The following GFRA4 variants were observed in gnomAD, a reference collection of about 807,000 sequenced individuals.
GFRA4 encodes the protein GDNF family receptor alpha-4.
In GFRA4, 31 loss-of-function variants were observed where a neutral mutation model predicts 28.5. The observed-to-expected ratio is 1.09, with a 90% CI of 0.82 to 1.47. The LOEUF (loss-of-function observed/expected upper bound fraction) is 1.47. Ranked by LOEUF, GFRA4 falls within the 40% of genes most tolerant of loss-of-function variation. The pLI is 0.00. For synonymous variants in GFRA4, 188 were observed against 188.0 expected, an observed-to-expected ratio of 1.00 and a Z score of 0.00; for missense variants, 389 against 413.2, an observed-to-expected ratio of 0.94 and a Z score of 0.51.
In GFRA4 at chr20:3,660,605, C is replaced by T. The variant is rs1441400697; in HGVS notation, c.558G>A (p.Trp186Ter). 6.4e-7 allele frequency: 1 copy of T among 1,551,012 alleles called. No homozygotes were observed. ...GGTTCCCGCTGGCTCCGCAGTCGCA[C>T]CAGGGCGCCACGCGCGCGCTCACGT... ...VDNVSARVAP[W>*]CDCGASGNRR... The change falls in exon 4 of 6, where the codon TGG becomes TGA. Residue 186 changes from tryptophan (W) to a stop codon, truncating the protein, a stop_gained. Transcript: ENST00000290417. LOFTEE classifies it high-confidence loss of function.
chr20:3,662,510 C>T (rs919746028), intron 1 of GFRA4, among the ~76,000 whole-genome samples: 1 of 152,132 alleles, frequency 6.6e-6, no homozygotes, highest in South Asian at 2.1e-4. Flanking sequence ...GAGCAGGGTG[C>T]CTCTCTGGCA....
At chr20:3,663,168 G>T (rs2087240653) in intron 1 of GFRA4, among the ~76,000 whole-genome samples, 186 bp downstream of exon 1, 1 of 152,150 alleles carries the variant, frequency 6.6e-6, no homozygotes, top group South Asian at 2.1e-4. Flanking sequence ...GGGCTGGGAG[G>T]TGAGGTGCTC....
At chr20:3,661,351 C>T in intron 1 of GFRA4, 62 bp from the exon 2 acceptor site, 1 of 1,355,058 alleles carries the variant, frequency 7.4e-7, no homozygotes, top group Non-Finnish European at 9.5e-7. Flanking sequence ...TTCACCCAGC[C>T]CATCCACGCC....
chr20:3,660,902 C>G (rs751214811), intron 2 of GFRA4, 38 bp from the exon 3 acceptor site: 1 of 1,383,782 alleles, frequency 7.2e-7, no homozygotes, highest in Middle Eastern at 2.5e-4. Context: ...AGAGAGGCCC[C>G]GTCCCCACCC....
In GFRA4 at chr20:3,663,225, A is replaced by G. The variant is rs137952077; in HGVS notation, c.46+129T>C. 255 of 1,111,628 alleles carry G rather than the reference A, an allele frequency of 2.3e-4. 2 individuals carry two copies. In the East Asian group the frequency reaches 6.5e-3, roughly 28 times the overall value. 68.9% of individuals were successfully genotyped at this position (1,111,628 alleles called of 1,614,324 possible). On this transcript the variant is annotated intron_variant, in intron 1 of 5. Transcript: ENST00000290417. Reference sequence around the variant, plus strand: ...CCAGGGGTCCCCAAGCCGTGCGCACAGGCCTCTCACTGGCAACCCTTCCTG... The same window carrying G: ...CCAGGGGTCCCCAAGCCGTGCGCACGGGCCTCTCACTGGCAACCCTTCCTG...
In GFRA4 at chr20:3,661,127, C is replaced by T. The variant is rs920750506; in HGVS notation, c.209G>A (p.Arg70His). ...PRARCRRALR[R>H]FFARGPPALT... ...CGCGGGCGGCCCGCGGGCGAAGAAG[C>T]GGCGCAGGGCCCGGCGGCAGCGGGC... Residue 70 changes from arginine (R) to histidine (H), a missense_variant, in exon 2 of 6, where the codon CGC becomes CAC. Physicochemically the swap from Arg to His is conservative, Grantham distance 29. Transcript: ENST00000290417. 5.0e-5 allele frequency: 65 copies of T among 1,305,464 alleles called. No individual in the cohort carries two copies. In the African/African-American group the frequency reaches 8.4e-4, roughly 17 times the overall value. 80.9% of individuals were successfully genotyped at this position (1,305,464 alleles called of 1,614,324 possible). A position where few individuals can be genotyped will look rare whatever the true frequency, so the allele number is the denominator to read the frequency against.
intron 4 of GFRA4, 64 bp from the exon 5 acceptor site, chr20:3,660,313 G>C: frequency 2.9e-6 from 4 of 1,363,066 alleles, no homozygotes; most frequent in Non-Finnish European, 3.0e-6. Context: ...TCAGCACAGG[G>C]GACAAAGTGA....
At chr20:3,661,346 C>T in intron 1 of GFRA4, 57 bp from the exon 2 acceptor site, 2 of 1,361,988 alleles carry the variant, frequency 1.5e-6, no homozygotes, top group South Asian at 1.7e-5. Context: ...CACACTTCAC[C>T]CAGCCCATCC....
At chr20:3,660,888 C>T (rs1231630488) in intron 2 of GFRA4, 24 bp from the exon 3 acceptor site, 1 of 1,402,474 alleles carries the variant, frequency 7.1e-7, no homozygotes, top group Non-Finnish European at 9.2e-7. Flanking sequence ...GGGCGGTGAG[C>T]CGGAGAGAGG....
At position 3,661,075 on chromosome 20, in the gene GFRA4, C is replaced by G. The variant is rs77187490; in HGVS notation, c.261G>C (p.Pro87=). 20 of 1,439,582 alleles carry G rather than the reference C, an allele frequency of 1.4e-5. No homozygotes were observed. The African/African-American group carries it at 3.0e-4, about 22-fold the overall frequency. The allele number at this position is 1,439,582 out of a possible 1,614,324, so 89.2% of individuals were successfully genotyped here. ...PALTHALLFC[P]CAGPACAERR... is the part of the protein sequence containing the mutation. ...GCTCGGCGCACGCGGGGCCCGCGCA[C>G]GGGCAGAAGAGCAGTGCGTGGGTGA... Residue 87 remains proline (P), a synonymous_variant, in exon 2 of 6, where the codon CCG becomes CCC. Coordinates refer to ENST00000290417, the MANE Select transcript of GFRA4 (RefSeq NM_022139.4).
Position 3,660,771 on chromosome 20 carries a change from G to A in GFRA4, c.486C>T (p.Ala162=). Reference sequence around the variant, plus strand: ...CGCGCGTACCCACGAGGCCCGCGTAGGCGCGCAGGCAGCGGGCGCCCTGGT... The same window carrying A: ...CGCGCGTACCCACGAGGCCCGCGTAAGCGCGCAGGCAGCGGGCGCCCTGGT... ...LLDQGARCLR[A]YAGLVGTAVT... The change falls in exon 3 of 6, where the codon GCC becomes GCT. Residue 162 remains alanine, a synonymous_variant. Transcript: ENST00000290417. The A allele has an allele frequency of 7.1e-7, 1 of 1,415,248 alleles. No homozygotes were observed. The highest frequency in any genetic ancestry group is 1.5e-5 in the African/African-American group (1 of 66,240). 87.7% of individuals were successfully genotyped at this position (1,415,248 alleles called of 1,614,324 possible).
In GFRA4 at chr20:3,660,953, C is replaced by T; in HGVS notation, c.383G>A (p.Arg128Gln). The change falls in exon 2 of 6, where the codon CGG becomes CAG. Residue 128 changes from arginine to glutamine, a missense_variant. Transcript: ENST00000290417. ...CGCCGCCCGCGCGCACCTGCAGACC[C>T]GGCTGCGCTCGCAGAAGTTTAAGGG... ...LEPLNFCERS[R>Q]VCRPRLLAFQ... is the part of the protein sequence containing the mutation. 7.3e-7 allele frequency: 1 copy of T among 1,374,438 alleles called. No homozygotes were observed. Among genetic ancestry groups the T allele is most frequent in the Non-Finnish European group, 9.4e-7 (1 of 1,069,208 alleles). 85.1% of individuals were successfully genotyped at this position (1,374,438 alleles called of 1,614,324 possible).
rs73893069 is a variant in GFRA4, at chr20:3,660,126, G to A, written c.729+32C>T. The A allele has an allele frequency of 1.3e-3, 2,070 of 1,546,648 alleles. 22 individuals carry two copies. In the African/African-American group the frequency reaches 0.022, roughly 16 times the overall value. Reference sequence around the variant, plus strand: ...GGGTGTGAAGGTGACAGTGGGGGAGGTGCCAGCTCACCCTCCCCTCCCTGC... The same window carrying A: ...GGGTGTGAAGGTGACAGTGGGGGAGATGCCAGCTCACCCTCCCCTCCCTGC... On this transcript the variant is annotated intron_variant, in intron 5 of 5. Transcript: ENST00000290417.
At position 3,660,733 on chromosome 20, in the gene GFRA4, C is replaced by T. The variant is rs541693894; in HGVS notation, c.502+22G>A. The T allele has an allele frequency of 2.1e-4, 302 of 1,442,796 alleles. No homozygotes were observed. In the African/African-American group the frequency reaches 4.1e-3, roughly 20 times the overall value. 89.4% of individuals were successfully genotyped at this position (1,442,796 alleles called of 1,614,324 possible). ...ATCCCCTGGAGAACCCCCGCCCTCG[C>T]CCGGATCCCGGCCGCGCGTACCCAC... On this transcript the variant is annotated intron_variant, in intron 3 of 5. Coordinates refer to ENST00000290417, the MANE Select transcript of GFRA4 (RefSeq NM_022139.4).
chr20:3,659,734 TG>T lies in GFRA4; in HGVS notation c.*174del. ...CAGTCAGGCCCCAGCCTACATCCCT[TG>T]CCCCAGGGGACGGCACACAGGGTGT... On this transcript the variant is annotated 3_prime_UTR_variant, in exon 6 of 6. Coordinates refer to ENST00000290417, the MANE Select transcript of GFRA4 (RefSeq NM_022139.4). The T allele has an allele frequency of 1.6e-6, 1 of 623,950 alleles. No individual in the cohort carries two copies. The highest frequency in any genetic ancestry group is 2.8e-6 in the Non-Finnish European group (1 of 358,174). The allele number at this position is 623,950 out of a possible 1,614,324, so 38.7% of individuals were successfully genotyped here. A position where few individuals can be genotyped will look rare whatever the true frequency, so the allele number is the denominator to read the frequency against.
Position 3,661,084 on chromosome 20 carries a change from G to C in GFRA4, c.252C>G (p.Leu84=). The change falls in exon 2 of 6, where the codon CTC becomes CTG. Residue 84 remains leucine, a synonymous_variant. Transcript: ENST00000290417. ...RGPPALTHAL[L]FCPCAGPACA... ...ACGCGGGGCCCGCGCACGGGCAGAA[G>C]AGCAGTGCGTGGGTGAGCGCGGGCG... 7.0e-7 allele frequency: 1 copy of C among 1,428,836 alleles called. No homozygotes were observed. The highest frequency in any genetic ancestry group is 9.1e-7 in the Non-Finnish European group (1 of 1,099,072). The allele number at this position is 1,428,836 out of a possible 1,614,324, so 88.5% of individuals were successfully genotyped here.
At position 3,661,321 on chromosome 20, in the gene GFRA4, A is replaced by C. The variant is rs115112380; in HGVS notation, c.47-32T>G. 676 of 1,418,992 alleles carry C rather than the reference A, an allele frequency of 4.8e-4. No individual in the cohort carries two copies. The African/African-American group carries it at 9.3e-3, about 20-fold the overall frequency. 87.9% of individuals were successfully genotyped at this position (1,418,992 alleles called of 1,614,324 possible). ...AAGGCGCGGGGAGGCTGCAGGTCTCAGTGCGCCCCGCATGCACACTTCACC... is the reference window on the plus strand; with the variant it reads ...AAGGCGCGGGGAGGCTGCAGGTCTCCGTGCGCCCCGCATGCACACTTCACC... On this transcript the variant is annotated intron_variant, in intron 1 of 5. Coordinates refer to ENST00000290417, the MANE Select transcript of GFRA4 (RefSeq NM_022139.4).
Position 3,663,349 on chromosome 20 carries a change from C to T in GFRA4, c.46+5G>A. Reference sequence around the variant, plus strand: ...CGGGGTCCAGGGGAAGAGAGGGGCGCTCACCCAGTAACAGCAGCAGCAGCA... The same window carrying T: ...CGGGGTCCAGGGGAAGAGAGGGGCGTTCACCCAGTAACAGCAGCAGCAGCA... On this transcript the variant is annotated splice_donor_5th_base_variant and intron_variant, in intron 1 of 5. Coordinates refer to ENST00000290417, the MANE Select transcript of GFRA4 (RefSeq NM_022139.4). 2 of 1,610,174 alleles carry T rather than the reference C, an allele frequency of 1.2e-6. No individual in the cohort carries two copies. The highest frequency in any genetic ancestry group is 1.7e-6 in the Non-Finnish European group (2 of 1,178,888).
chr20:3,659,700 G>C lies in GFRA4; in HGVS notation c.*209C>G. 1 of 585,436 alleles carries C rather than the reference G, an allele frequency of 1.7e-6. No homozygotes were observed. Among genetic ancestry groups the C allele is most frequent in the Non-Finnish European group, 3.0e-6 (1 of 330,208 alleles). The allele number at this position is 585,436 out of a possible 1,614,324, so 36.3% of individuals were successfully genotyped here. Reference sequence around the variant, plus strand: ...CAAGATGCCTCCTGACAGGGAGACGGGGGCTTTACAGTCAGGCCCCAGCCT... The same window carrying C: ...CAAGATGCCTCCTGACAGGGAGACGCGGGCTTTACAGTCAGGCCCCAGCCT... On this transcript the variant is annotated 3_prime_UTR_variant, in exon 6 of 6. Transcript: ENST00000290417.
Sources: gnomAD v4.1 joint callset for allele counts (sites outside exome capture counted in the v4.1 genomes callset) on GRCh38, gnomAD v4.1.1 for gene constraint, MANE v1.5 for transcripts, NCBI Gene and HGNC (gene_info 2026-07-23, HGNC 2026-07-21) for gene names.